NTN1: variants seen among roughly 807,000 people sequenced by gnomAD.
NTN1 encodes the protein netrin 1.
Under a neutral mutation model 54.2 loss-of-function variants are expected in NTN1, and 11 were observed. The observed-to-expected ratio is 0.20, with a 90% CI of 0.13 to 0.34. NTN1 has a LOEUF of 0.34. Ranked by LOEUF, NTN1 falls within the 10% of genes least tolerant of loss-of-function variation. The probability of loss-of-function intolerance (pLI) is 1.00; values close to 1 mark genes in which losing one functional copy is unlikely to be tolerated. For synonymous variants in NTN1, 371 were observed against 382.0 expected (o/e 0.97, Z 0.33); for missense variants, 740 against 893.1 (o/e 0.83, Z 2.18).
In NTN1 at chr17:9,241,133, TG is replaced by T. The variant is rs1906200358; in HGVS notation, c.*1166del. 1 of 152,296 alleles carries T rather than the reference TG, an allele frequency of 6.6e-6. No individual in the cohort carries two copies. The highest frequency in any genetic ancestry group is 2.1e-4 in the South Asian group (1 of 4,826). The allele number at this position is 152,296 out of a possible 1,614,324, so 9.4% of individuals were successfully genotyped here. A position where few individuals can be genotyped will look rare whatever the true frequency, so the allele number is the denominator to read the frequency against. On this transcript the variant is annotated 3_prime_UTR_variant, in exon 7 of 7. Coordinates refer to ENST00000173229, the MANE Select transcript of NTN1 (RefSeq NM_004822.3). ...GCTGGGATGGGGTTTGCTGGCTCAGTGAAGTACCAGAGTGCCTGAGCCATGG... is the reference window on the plus strand; with the variant it reads ...GCTGGGATGGGGTTTGCTGGCTCAGTAAGTACCAGAGTGCCTGAGCCATGG...
chr17:9,073,086 G>A (rs778212375), intron 2 of NTN1, among the ~76,000 whole-genome samples: 8 of 152,228 alleles, frequency 5.3e-5, no homozygotes, highest in Non-Finnish European at 1.2e-4. Context: ...CAGCGAGGAC[G>A]AGCGGATATT....
intron 2 of NTN1, among the ~76,000 whole-genome samples, chr17:9,099,962 T>A (rs1389840743): frequency 1.3e-5 from 2 of 152,242 alleles, no homozygotes; most frequent in East Asian, 1.9e-4. Context: ...ATTAACATTT[T>A]AAAAAATGTT....
intron 2 of NTN1, among the ~76,000 whole-genome samples, chr17:9,128,309 CA>C (rs11356490): frequency 0.66 from 81,421 of 123,972 alleles, 25,287 homozygotes; most frequent in East Asian, 0.97. Flanking sequence ...GACTCTGTCT[CA>C]AAAAAAAAAA....
intron 6 of NTN1, among the ~76,000 whole-genome samples, chr17:9,235,877 G>A (rs1275587015): frequency 2.6e-5 from 4 of 151,610 alleles, no homozygotes; most frequent in African/African-American, 7.3e-5. Flanking sequence ...TCAGCCTCCC[G>A]AGTAGCTGGG....
chr17:9,241,939 TGGG>T lies in NTN1; in HGVS notation c.*1974_*1976del, dbSNP rs1050817818. ...CCTGTGCAGGCTGGGAGGGTGCTCT[TGGG>T]GGAGTGGCCACCGAGCCCCTGGCCC... On this transcript the variant is annotated 3_prime_UTR_variant, in exon 7 of 7. Coordinates refer to ENST00000173229, the MANE Select transcript of NTN1 (RefSeq NM_004822.3). The T allele has an allele frequency of 4.6e-5, 7 of 152,172 alleles. No homozygotes were observed. The highest frequency in any genetic ancestry group is 1.7e-4 in the African/African-American group (7 of 41,412). 9.4% of individuals were successfully genotyped at this position (152,172 alleles called of 1,614,324 possible). A position where few individuals can be genotyped will look rare whatever the true frequency, so the allele number is the denominator to read the frequency against.
At chr17:9,144,906 A>G (rs1240562009) in intron 2 of NTN1, among the ~76,000 whole-genome samples, 1 of 152,206 alleles carries the variant, frequency 6.6e-6, no homozygotes, top group East Asian at 1.9e-4. Context: ...GAGGGACCCC[A>G]GGACCCCCTG....
chr17:9,111,157 C>T (rs866089800), intron 2 of NTN1, among the ~76,000 whole-genome samples: 4 of 152,004 alleles, frequency 2.6e-5, no homozygotes, highest in Middle Eastern at 3.4e-3. Flanking sequence ...AGGATGGTCT[C>T]GATCTCCTGA....
chr17:9,119,261 C>T (rs2092224752), intron 2 of NTN1, among the ~76,000 whole-genome samples: 1 of 152,162 alleles, frequency 6.6e-6, no homozygotes, highest in Non-Finnish European at 1.5e-5. Context: ...GATCTCGGCT[C>T]ACTGCAACCT....
At chr17:9,185,402 T>C (rs1259578296) in intron 5 of NTN1, among the ~76,000 whole-genome samples, 1 of 152,188 alleles carries the variant, frequency 6.6e-6, no homozygotes, top group African/African-American at 2.4e-5. Flanking sequence ...AAAAGCTTGT[T>C]TACTTTTGCC....
chr17:9,207,985 G>T (rs1276626837), intron 5 of NTN1, among the ~76,000 whole-genome samples: 2 of 152,202 alleles, frequency 1.3e-5, no homozygotes, highest in Non-Finnish European at 2.9e-5. Context: ...TGTAATCCCG[G>T]CACTTTGGGA....
At chr17:9,103,855 G>A (rs1567711222) in intron 2 of NTN1, among the ~76,000 whole-genome samples, 1 of 152,058 alleles carries the variant, frequency 6.6e-6, no homozygotes, top group Non-Finnish European at 1.5e-5. Flanking sequence ...GGAGGTCGAG[G>A]TGGGTGGATC....
intron 2 of NTN1, among the ~76,000 whole-genome samples, chr17:9,124,519 T>C (rs2092240223): frequency 6.6e-6 from 1 of 152,188 alleles, no homozygotes; most frequent in Non-Finnish European, 1.5e-5. Context: ...TGGGCCACAC[T>C]CAGACCACAC....
intron 2 of NTN1, among the ~76,000 whole-genome samples, chr17:9,122,302 G>A (rs556992512): frequency 2.0e-5 from 3 of 152,320 alleles, no homozygotes; most frequent in African/African-American, 7.2e-5. Flanking sequence ...CCAAAGTGCT[G>A]GGATTACAGG....
intron 3 of NTN1, chr17:9,171,883 C>CTT (rs11429901): frequency 0.11 from 10,766 of 101,446 alleles, 1,045 homozygotes; most frequent in East Asian, 0.19. Context: ...ATCAGGCTCA[C>CTT]TTTTTTTTTT....
At chr17:9,227,074 C>A (rs1488017255) in intron 6 of NTN1, among the ~76,000 whole-genome samples, 2 of 152,152 alleles carry the variant, frequency 1.3e-5, no homozygotes, top group Non-Finnish European at 2.9e-5. Flanking sequence ...TCCCCGTGCT[C>A]CTGGGAAGAA....
chr17:9,193,114 G>A (rs889298832), intron 5 of NTN1, among the ~76,000 whole-genome samples: 5 of 149,732 alleles, frequency 3.3e-5, no homozygotes, highest in African/African-American at 9.9e-5. Flanking sequence ...AAAAAAAGCC[G>A]TTTCCTCAAG....
chr17:9,208,194 T>G (rs1368899795), intron 5 of NTN1, among the ~76,000 whole-genome samples: 1 of 151,706 alleles, frequency 6.6e-6, no homozygotes, highest in African/African-American at 2.4e-5. Context: ...ATCATGCCAT[T>G]GCACTCCAGC....
At chr17:9,058,404 T>C (rs1000215345) in intron 2 of NTN1, among the ~76,000 whole-genome samples, 2 of 152,164 alleles carry the variant, frequency 1.3e-5, no homozygotes, top group Non-Finnish European at 2.9e-5. Context: ...GTCATTCATA[T>C]GAACATTAGT....
At chr17:9,072,028 G>T (rs955393) in intron 2 of NTN1, among the ~76,000 whole-genome samples, 5,441 of 152,288 alleles carry the variant, frequency 0.036, 332 homozygotes, top group African/African-American at 0.12. Flanking sequence ...GAGCACACAC[G>T]CAGCCCCGAG....
Sources: allele counts gnomAD v4.1 joint callset (sites outside exome capture counted in the v4.1 genomes callset), GRCh38; gene constraint gnomAD v4.1.1; transcripts MANE v1.5; gene names NCBI Gene and HGNC (gene_info 2026-07-23, HGNC 2026-07-21).